The following RGL1 variants were observed in gnomAD, a reference collection of about 807,000 sequenced individuals.
The protein encoded by RGL1 is ral guanine nucleotide dissociation stimulator-like 1.
Under a neutral mutation model 95.2 loss-of-function variants are expected in RGL1, and 24 were observed. The observed-to-expected ratio is 0.25, with a 90% CI of 0.18 to 0.35. The LOEUF (loss-of-function observed/expected upper bound fraction) is 0.35. Ranked by LOEUF, RGL1 falls within the 10% of genes least tolerant of loss-of-function variation. The pLI is 1.00. For synonymous variants in RGL1, 329 were observed against 344.9 expected (o/e 0.95, Z 0.51); for missense variants, 715 against 936.3 (o/e 0.76, Z 3.08).
At chr1:183,772,685 G>A (rs1659345117) in intron 2 of RGL1, among the ~76,000 whole-genome samples, 1 of 152,222 alleles carries the variant, frequency 6.6e-6, no homozygotes, top group Admixed American at 6.5e-5. Context: ...GCAGGCTCCT[G>A]TGTAGGAAAC....
Position 183,926,090 on chromosome 1 carries a change from C to G in RGL1, c.2120-15C>G. 3 of 1,609,584 alleles carry G rather than the reference C, an allele frequency of 1.9e-6. No homozygotes were observed. Among genetic ancestry groups the G allele is most frequent in the East Asian group, 4.5e-5 (2 of 44,814 alleles). On this transcript the variant is annotated splice_polypyrimidine_tract_variant and intron_variant, in intron 17 of 17. Transcript: ENST00000360851. ...TCCACAAGCTGACCATCTTATCTTTCCTTATCTTTTTCAGAACTTGTGATT... is the reference window on the plus strand; with the variant it reads ...TCCACAAGCTGACCATCTTATCTTTGCTTATCTTTTTCAGAACTTGTGATT...
chr1:183,653,958 T>C (rs935311334), intron 1 of RGL1, among the ~76,000 whole-genome samples: 8 of 152,348 alleles, frequency 5.3e-5, no homozygotes, highest in African/African-American at 1.9e-4. Context: ...CTCTGGATTA[T>C]TCCCTCATTC....
chr1:183,637,399 G>C (rs1298096952), intron 1 of RGL1, among the ~76,000 whole-genome samples: 1 of 152,152 alleles, frequency 6.6e-6, no homozygotes, highest in Non-Finnish European at 1.5e-5. Flanking sequence ...CATGCTTGAT[G>C]AATGAATGAA....
chr1:183,877,571 C>T (rs923320054), intron 4 of RGL1, among the ~76,000 whole-genome samples: 2 of 152,158 alleles, frequency 1.3e-5, no homozygotes, highest in Non-Finnish European at 2.9e-5. Flanking sequence ...AACGCTCTGC[C>T]GATGAGGAGG....
At chr1:183,875,433 T>C (rs948537667) in intron 4 of RGL1, among the ~76,000 whole-genome samples, 3 of 152,226 alleles carry the variant, frequency 2.0e-5, no homozygotes, top group African/African-American at 7.2e-5. Flanking sequence ...GCTGCCTAAA[T>C]GCTTGCCTCA....
chr1:183,871,376 T>G (rs1204595690), intron 4 of RGL1, among the ~76,000 whole-genome samples: 4 of 152,222 alleles, frequency 2.6e-5, no homozygotes, highest in Non-Finnish European at 5.9e-5. Context: ...TATGAATCTG[T>G]TCTCTTGTGA....
chr1:183,863,603 T>C (rs1215243096), intron 3 of RGL1, among the ~76,000 whole-genome samples: 1 of 152,178 alleles, frequency 6.6e-6, no homozygotes, highest in Non-Finnish European at 1.5e-5. Context: ...TGATTTACAC[T>C]ATCCAAGATA....
chr1:183,738,908 AAAAAG>A (rs565475584), intron 1 of RGL1, among the ~76,000 whole-genome samples: 4 of 152,210 alleles, frequency 2.6e-5, no homozygotes, highest in Non-Finnish European at 5.9e-5. Context: ...CTCAAAAGAA[AAAAAG>A]AAAAGAATAA....
At chr1:183,716,330 C>G (rs1447651929) in intron 1 of RGL1, among the ~76,000 whole-genome samples, 1 of 152,108 alleles carries the variant, frequency 6.6e-6, no homozygotes, top group African/African-American at 2.4e-5. Context: ...CAAATAGACT[C>G]CAAAATTTCT....
chr1:183,806,401 G>A lies in RGL1; in HGVS notation c.54G>A (p.Glu18=), dbSNP rs778365419. Residue 18 remains glutamate (E), a synonymous_variant, in exon 2 of 18, where the codon GAG becomes GAA. Transcript: ENST00000360851. Reference sequence around the variant, plus strand: ...GCTCGATTCAGGACTGGGGTGAAGAGGTAGAGGAAGGAGCTGTTTACCATG... The same window carrying A: ...GCTCGATTCAGGACTGGGGTGAAGAAGTAGAGGAAGGAGCTGTTTACCATG... ...KMSSIQDWGE[E]VEEGAVYHVT... is the part of the protein sequence containing the mutation. 3.0e-5 allele frequency: 49 copies of A among 1,613,878 alleles called. No homozygotes were observed. The highest frequency in any genetic ancestry group is 4.0e-5 in the Non-Finnish European group (47 of 1,179,980).
chr1:183,879,131 T>G (rs367751921), intron 4 of RGL1, among the ~76,000 whole-genome samples: 1 of 152,232 alleles, frequency 6.6e-6, no homozygotes, highest in African/African-American at 2.4e-5. Flanking sequence ...ATTTGATGGT[T>G]TCATGTATCT....
At chr1:183,739,977 TTGTC>T (rs1218949889) in intron 1 of RGL1, among the ~76,000 whole-genome samples, 1 of 152,208 alleles carries the variant, frequency 6.6e-6, no homozygotes, top group Non-Finnish European at 1.5e-5. Flanking sequence ...ATTTTGTACT[TTGTC>T]TGTTTTATCC....
intron 2 of RGL1, among the ~76,000 whole-genome samples, chr1:183,826,911 T>C (rs1395462231): frequency 6.6e-6 from 1 of 152,052 alleles, no homozygotes; most frequent in Non-Finnish European, 1.5e-5. Flanking sequence ...AAATGTACCT[T>C]TTTTTTTCTT....
At chr1:183,777,954 A>G (rs543503495) in intron 2 of RGL1, among the ~76,000 whole-genome samples, 83 of 152,212 alleles carry the variant, frequency 5.5e-4, no homozygotes, top group Non-Finnish European at 1.1e-3. Flanking sequence ...TCTCATTTGG[A>G]AGTGGGATGT....
In RGL1 at chr1:183,710,101, C is replaced by T. The variant is rs543765844; in HGVS notation, c.-32-32025C>T. 36 of 191,552 alleles carry T rather than the reference C, an allele frequency of 1.9e-4. No individual in the cohort carries two copies. In the South Asian group the frequency reaches 3.1e-3, roughly 16 times the overall value. 11.9% of individuals were successfully genotyped at this position (191,552 alleles called of 1,614,324 possible). A position where few individuals can be genotyped will look rare whatever the true frequency, so the allele number is the denominator to read the frequency against. On this transcript the variant is annotated intron_variant, in intron 1 of 18. Transcript: ENST00000304685. ...TAGCCACAACTTGCTCTCCTCCAGGCCTATGTGCCACTTTCACTCTACATG... is the reference window on the plus strand; with the variant it reads ...TAGCCACAACTTGCTCTCCTCCAGGTCTATGTGCCACTTTCACTCTACATG...
At chr1:183,707,525 A>G (rs961932042) in intron 1 of RGL1, among the ~76,000 whole-genome samples, 1 of 152,166 alleles carries the variant, frequency 6.6e-6, no homozygotes, top group African/African-American at 2.4e-5. Context: ...GAGTATGGGA[A>G]GGAGAGAAGG....
intron 2 of RGL1, among the ~76,000 whole-genome samples, chr1:183,813,764 A>C (rs1435772897): frequency 6.6e-6 from 1 of 152,174 alleles, no homozygotes; most frequent in Non-Finnish European, 1.5e-5. Flanking sequence ...CTAGCAGCTG[A>C]CATTGCTGTT....
At chr1:183,664,531 A>AT (rs1163563615) in intron 1 of RGL1, among the ~76,000 whole-genome samples, 1 of 151,440 alleles carries the variant, frequency 6.6e-6, no homozygotes, top group Non-Finnish European at 1.5e-5. Flanking sequence ...CAGAGCTGAG[A>AT]TTTAAACCCA....
intron 2 of RGL1, among the ~76,000 whole-genome samples, chr1:183,834,244 G>A (rs983193011): frequency 2.0e-5 from 3 of 151,820 alleles, no homozygotes; most frequent in African/African-American, 7.3e-5. Context: ...AGTGTATTTA[G>A]GAACAAACAA....
Sources: allele counts gnomAD v4.1 joint callset (sites outside exome capture counted in the v4.1 genomes callset), GRCh38; gene constraint gnomAD v4.1.1; transcripts MANE v1.5; gene names NCBI Gene and HGNC (gene_info 2026-07-23, HGNC 2026-07-21).